The following PATJ variants were observed in gnomAD, a reference collection of about 807,000 sequenced individuals.
PATJ encodes the protein PATJ crumbs cell polarity complex component.
Under a neutral mutation model 224.9 loss-of-function variants are expected in PATJ, and 190 were observed. The observed-to-expected ratio is 0.84, with a 90% CI of 0.75 to 0.95. The LOEUF is 0.95. Among genes scored for constraint, PATJ ranks in the 40% least tolerant of loss-of-function variants. The pLI is 0.00. For missense variants in PATJ, 2,121 were observed against 2,270.3 expected (o/e 0.93, Z 1.34); for synonymous variants, 769 against 820.3 (o/e 0.94, Z 1.07).
chr1:61,914,694 ATGTTTTTGTTT>A (rs773305054), intron 26 of PATJ, 30 bp downstream of exon 26: 40 of 1,408,326 alleles, frequency 2.8e-5, no homozygotes, highest in African/African-American at 1.7e-4. Flanking sequence ...GATTTAAAAA[ATGTTTTTGTTT>A]TGTTTTTGTT....
intron 22 of PATJ, among the ~76,000 whole-genome samples, chr1:61,896,261 A>T (rs895628372): frequency 1.3e-5 from 2 of 148,970 alleles, no homozygotes; most frequent in African/African-American, 2.5e-5. Context: ...GCACCACTGC[A>T]CTCCATCCTG....
At chr1:62,112,431 G>A (rs1420499730) in intron 34 of PATJ, among the ~76,000 whole-genome samples, 3 of 152,178 alleles carry the variant, frequency 2.0e-5, no homozygotes, top group African/African-American at 4.8e-5. Context: ...GCTTGAAACC[G>A]GAAAGCGGAG....
chr1:62,038,801 C>T (rs946343349), intron 30 of PATJ: 40 of 603,600 alleles, frequency 6.6e-5, no homozygotes, highest in Non-Finnish European at 1.2e-4. Context: ...ATTCTTTCAA[C>T]ACGTGTTCAG....
intron 28 of PATJ, among the ~76,000 whole-genome samples, chr1:62,001,489 C>T (rs552757153): frequency 2.7e-5 from 4 of 149,354 alleles, no homozygotes; most frequent in Admixed American, 2.0e-4. Context: ...TGTCAAAGAT[C>T]AGATAGTTGT....
chr1:61,946,192 C>G lies in PATJ; in HGVS notation c.3670+18363C>G, dbSNP rs578248034. ...AAGAGCAAACACATTCAAAAGCTAGCAGAAGGCAAGAAATAACTAAGATCA... is the reference window on the plus strand; with the variant it reads ...AAGAGCAAACACATTCAAAAGCTAGGAGAAGGCAAGAAATAACTAAGATCA... On this transcript the variant is annotated intron_variant, in intron 27 of 43. Transcript: ENST00000642238. 5.9e-5 allele frequency among the ~76,000 whole-genome samples: 9 copies of G among 152,216 alleles called. No individual in the cohort carries two copies. In the South Asian group the frequency reaches 1.9e-3, roughly 32 times the overall value.
At chr1:61,974,301 G>A (rs1643992768) in intron 27 of PATJ, among the ~76,000 whole-genome samples, 1 of 151,384 alleles carries the variant, frequency 6.6e-6, no homozygotes, top group African/African-American at 2.4e-5. Context: ...CCTAAAGGTG[G>A]TCATTGAACT....
rs1281189457 is a variant in PATJ at position 61,846,388 on chromosome 1, TAA to T, written c.2113-9641_2113-9640del. ...CCAAAATCAGTATTTGCAAAGCTTT[TAA>T]GTTTTATATGTCTGTACTTTCCCTG... On this transcript the variant is annotated intron_variant, in intron 17 of 43. Coordinates refer to ENST00000642238, the MANE Select transcript of PATJ (RefSeq NM_001350145.3). Among the ~76,000 whole-genome samples, 4 of 152,322 alleles carry T rather than the reference TAA, an allele frequency of 2.6e-5. No individual in the cohort carries two copies. In the East Asian group the frequency reaches 7.7e-4, roughly 29 times the overall value.
At chr1:62,117,519 AGGC>A in intron 37 of PATJ, 33 of 621,678 alleles carry the variant, frequency 5.3e-5, no homozygotes, top group Non-Finnish European at 6.1e-5. Context: ...AAAAAAAAAA[AGGC>A]AACATCTGGT....
intron 29 of PATJ, among the ~76,000 whole-genome samples, chr1:62,028,858 G>A (rs1648579953): frequency 6.6e-6 from 1 of 152,162 alleles, no homozygotes; most frequent in South Asian, 2.1e-4. Flanking sequence ...GAAGGCTGAG[G>A]TGGGAGGTTC....
rs1412393991 is a variant in PATJ at position 62,071,029 on chromosome 1, AG to A, written c.4126-8419del. Among the ~76,000 whole-genome samples, 11 of 152,340 alleles carry A rather than the reference AG, an allele frequency of 7.2e-5. No individual in the cohort carries two copies. In the South Asian group the frequency reaches 1.9e-3, roughly 26 times the overall value. On this transcript the variant is annotated intron_variant, in intron 31 of 43. Transcript: ENST00000642238. ...GAAGAAAGGCTGTGTGAACATGCCT[AG>A]GAAAGAGACCCGAGGCAGGGGATGT...
intron 13 of PATJ, among the ~76,000 whole-genome samples, chr1:61,807,140 A>C (rs1242499829): frequency 6.6e-6 from 1 of 151,950 alleles, no homozygotes; most frequent in African/African-American, 2.4e-5. Context: ...AAAGAGGGAG[A>C]CTCCACCTCA....
At chr1:62,091,757 T>A (rs186870024) in intron 33 of PATJ, among the ~76,000 whole-genome samples, 2,486 of 150,242 alleles carry the variant, frequency 0.017, 35 homozygotes, top group Non-Finnish European at 0.022. Flanking sequence ...TCTCTTATTT[T>A]AAAAAAAAAT....
At chr1:62,114,714 CA>C (rs1553270984) in intron 35 of PATJ, 1 of 160,296 alleles carries the variant, frequency 6.2e-6, no homozygotes, top group Non-Finnish European at 1.3e-5. Flanking sequence ...AAGAGATAAA[CA>C]TAATTCTTCA....
chr1:62,051,985 A>G (rs72677942), intron 31 of PATJ, among the ~76,000 whole-genome samples: 3,398 of 152,278 alleles, frequency 0.022, 65 homozygotes, highest in Non-Finnish European at 0.03. Flanking sequence ...CCAGTATGTG[A>G]TAGGCTGGGA....
intron 29 of PATJ, among the ~76,000 whole-genome samples, chr1:62,021,401 A>G (rs12083806): frequency 0.17 from 25,188 of 152,106 alleles, 2,440 homozygotes; most frequent in East Asian, 0.44. Context: ...AGGGGACACA[A>G]ACATTCAGAC....
intron 17 of PATJ, among the ~76,000 whole-genome samples, chr1:61,834,042 GAA>G (rs1659776746): frequency 6.6e-6 from 1 of 152,192 alleles, no homozygotes; most frequent in African/African-American, 2.4e-5. Flanking sequence ...GGATCTTGAT[GAA>G]CTTGTTTATA....
chr1:61,947,535 C>T (rs1397679187), intron 27 of PATJ, among the ~76,000 whole-genome samples: 1 of 152,138 alleles, frequency 6.6e-6, no homozygotes, highest in Non-Finnish European at 1.5e-5. Flanking sequence ...TCAAGGAGAA[C>T]TACAAACCAC....
intron 31 of PATJ, among the ~76,000 whole-genome samples, chr1:62,052,250 A>G (rs1363): frequency 0.37 from 55,473 of 151,856 alleles, 10,707 homozygotes; most frequent in Middle Eastern, 0.49. Flanking sequence ...ATCCTCTTTC[A>G]GGTTTTGGAA....
intron 17 of PATJ, among the ~76,000 whole-genome samples, chr1:61,842,389 G>T (rs530672882): frequency 5.3e-5 from 8 of 152,276 alleles, no homozygotes; most frequent in African/African-American, 1.7e-4. Context: ...TGTCTAGTGG[G>T]GGCGAAAGAG....
Sources: gnomAD v4.1 joint callset for allele counts (sites outside exome capture counted in the v4.1 genomes callset) on GRCh38, gnomAD v4.1.1 for gene constraint, MANE v1.5 for transcripts, NCBI Gene and HGNC (gene_info 2026-07-23, HGNC 2026-07-21) for gene names.